The following NAV1 variants were observed in gnomAD, a reference collection of about 807,000 sequenced individuals.
NAV1 encodes the protein neuron navigator 1.
Under a neutral mutation model 175.2 loss-of-function variants are expected in NAV1, and 18 were observed. The ratio of observed to expected loss-of-function variants is 0.10; its 90% CI spans 0.07 to 0.15. NAV1 has a LOEUF of 0.15. Among genes scored for constraint, NAV1 ranks in the 10% least tolerant of loss-of-function variants. The probability of loss-of-function intolerance (pLI) is 1.00; values close to 1 mark genes in which losing one functional copy is unlikely to be tolerated. For synonymous variants in NAV1, 897 were observed against 978.7 expected (o/e 0.92, Z 1.56); for missense variants, 1,731 against 2,436.6 (o/e 0.71, Z 6.10).
chr1:201,648,179 G>C (rs985171627), upstream of NAV1: 1 of 943,830 alleles, frequency 1.1e-6, no homozygotes, highest in Non-Finnish European at 1.3e-6. Context: ...CGGAGCTGCA[G>C]CCTGCAGCCT....
intron 1 of NAV1, among the ~76,000 whole-genome samples, chr1:201,665,060 C>T (rs898351296): frequency 3.9e-5 from 6 of 152,282 alleles, no homozygotes; most frequent in South Asian, 2.1e-4. Flanking sequence ...TTAGACCTGT[C>T]GGTTTGCACG....
In NAV1 at chr1:201,622,942, C is replaced by T. The variant is rs917383259; in HGVS notation, c.-765C>T. 6 of 986,388 alleles carry T rather than the reference C, an allele frequency of 6.1e-6. No homozygotes were observed. In the African/African-American group the frequency reaches 1.0e-4, roughly 17 times the overall value. 61.1% of individuals were successfully genotyped at this position (986,388 alleles called of 1,614,324 possible). ...CCGCCCTCACTACGCCTCCGCCATC[C>T]CGGTGCCTCGTGCCTCTTCCCAGAC... On this transcript the variant is annotated 5_prime_UTR_variant, in exon 1 of 30. Coordinates refer to the NAV1 transcript ENST00000367302.
chr1:201,675,299 C>T (rs1445225953), intron 1 of NAV1, among the ~76,000 whole-genome samples: 2 of 152,186 alleles, frequency 1.3e-5, no homozygotes, highest in African/African-American at 4.8e-5. Context: ...ACCATAAAAG[C>T]CACAAAGTTA....
chr1:201,758,918 G>T (rs1275784346), intron 3 of NAV1, among the ~76,000 whole-genome samples: 2 of 152,172 alleles, frequency 1.3e-5, no homozygotes, highest in African/African-American at 2.4e-5. Flanking sequence ...CTAGCTGTGG[G>T]CCCTTGGGCA....
intron 1 of NAV1, among the ~76,000 whole-genome samples, chr1:201,704,316 G>T (rs1026444178): frequency 6.6e-6 from 1 of 152,228 alleles, no homozygotes; most frequent in Non-Finnish European, 1.5e-5. Flanking sequence ...TGAGCGAGAC[G>T]CTGTCCACCT....
At chr1:201,780,808 G>T (rs1676276334) in intron 4 of NAV1, among the ~76,000 whole-genome samples, 1 of 149,658 alleles carries the variant, frequency 6.7e-6, no homozygotes. Flanking sequence ...ATACATGTAA[G>T]AGCTATTCCA....
At chr1:201,776,655 A>G (rs1675966936) in intron 3 of NAV1, among the ~76,000 whole-genome samples, 1 of 151,734 alleles carries the variant, frequency 6.6e-6, no homozygotes, top group Non-Finnish European at 1.5e-5. Flanking sequence ...AAAAAAAAAA[A>G]AGAGTTGTTT....
At chr1:201,566,089 G>T (rs995908346) in intron 1 of NAV1, among the ~76,000 whole-genome samples, 2 of 152,032 alleles carry the variant, frequency 1.3e-5, no homozygotes, top group Admixed American at 1.3e-4. Flanking sequence ...CTTCCTGTGG[G>T]CTCCAGGGGC....
chr1:201,669,025 G>C (rs1669939439), intron 1 of NAV1, among the ~76,000 whole-genome samples: 1 of 152,226 alleles, frequency 6.6e-6, no homozygotes, highest in African/African-American at 2.4e-5. Flanking sequence ...ATGGAAGGTA[G>C]CTGAGGATGG....
At chr1:201,707,107 G>A (rs1671702224) in intron 1 of NAV1, among the ~76,000 whole-genome samples, 1 of 152,148 alleles carries the variant, frequency 6.6e-6, no homozygotes, top group African/African-American at 2.4e-5. Flanking sequence ...TGATGACACA[G>A]AAACAAGGTT....
At chr1:201,762,787 C>T (rs1674947112) in intron 3 of NAV1, among the ~76,000 whole-genome samples, 1 of 152,196 alleles carries the variant, frequency 6.6e-6, no homozygotes, top group South Asian at 2.1e-4. Flanking sequence ...GAAATGCAGA[C>T]ACTATTCTAC....
chr1:201,618,583 A>G (rs1228622753), upstream of NAV1, among the ~76,000 whole-genome samples: 1 of 151,916 alleles, frequency 6.6e-6, no homozygotes, highest in East Asian at 1.9e-4. Flanking sequence ...GGGGGTGTGT[A>G]GGCAGAGCCC....
At chr1:201,728,692 C>T (rs1672721156) in intron 3 of NAV1, among the ~76,000 whole-genome samples, 1 of 152,094 alleles carries the variant, frequency 6.6e-6, no homozygotes, top group African/African-American at 2.4e-5. Flanking sequence ...AACTCCTGGG[C>T]TCAAGCAATC....
intron 1 of NAV1, among the ~76,000 whole-genome samples, chr1:201,625,715 C>T (rs1195695200): frequency 6.6e-6 from 1 of 152,164 alleles, no homozygotes; most frequent in Non-Finnish European, 1.5e-5. Context: ...CTTCTCCTAC[C>T]TGATTCCCTT....
At chr1:201,734,499 G>GAGAAGGAGAAGAAGAAGAAGAAGA (rs1673018410) in intron 3 of NAV1, among the ~76,000 whole-genome samples, 1 of 121,060 alleles carries the variant, frequency 8.3e-6, no homozygotes, top group East Asian at 2.2e-4. Flanking sequence ...GAAGGAGAAG[G>GAGAAGGAGAAGAAGAAGAAGAAGA]AGAAGAAGAA....
chr1:201,802,596 T>C (rs954041641), intron 15 of NAV1, among the ~76,000 whole-genome samples: 38 of 151,134 alleles, frequency 2.5e-4, no homozygotes, highest in African/African-American at 8.8e-4. Context: ...CTGGTCAACA[T>C]GGTGAAACCC....
At chr1:201,780,613 A>C in intron 4 of NAV1, 54 bp downstream of exon 8, 2 of 1,610,820 alleles carry the variant, frequency 1.2e-6, no homozygotes. Flanking sequence ...CCACAGGGCA[A>C]ATGGCATTAT....
At chr1:201,626,824 T>C (rs1044688556) in intron 1 of NAV1, among the ~76,000 whole-genome samples, 1 of 152,246 alleles carries the variant, frequency 6.6e-6, no homozygotes, top group African/African-American at 2.4e-5. Flanking sequence ...TCTCTCTGGT[T>C]CAACCTCTGC....
At chr1:201,601,338 C>A (rs1433399155) in intron 2 of NAV1, among the ~76,000 whole-genome samples, 1 of 152,196 alleles carries the variant, frequency 6.6e-6, no homozygotes, top group Non-Finnish European at 1.5e-5. Context: ...AAAAAATTAG[C>A]TGGGCTTGGT....
Sources: gnomAD v4.1 joint callset for allele counts (sites outside exome capture counted in the v4.1 genomes callset) on GRCh38, gnomAD v4.1.1 for gene constraint, MANE v1.5 for transcripts, NCBI Gene and HGNC (gene_info 2026-07-23, HGNC 2026-07-21) for gene names.